Variants in NTM observed in about 807,000 individuals in gnomAD.
NTM encodes the protein IgLON family member 2.
A neutral mutation model predicts 42.1 loss-of-function variants in NTM; 13 were observed. The ratio of observed to expected loss-of-function variants is 0.31; its 90% CI spans 0.20 to 0.49. The LOEUF (loss-of-function observed/expected upper bound fraction) is 0.49, where lower values mean the gene tolerates loss of function less well. NTM is among the 20% of genes least tolerant of loss of function. The pLI is 0.99. For missense variants in NTM, 373 were observed against 452.8 expected (o/e 0.82, Z 1.60); for synonymous variants, 187 against 179.2 (o/e 1.04, Z -0.35).
intron 2 of NTM, among the ~76,000 whole-genome samples, chr11:132,068,895 C>A (rs1225559060): frequency 6.6e-6 from 1 of 152,194 alleles, no homozygotes; most frequent in East Asian, 1.9e-4. Context: ...TTGGGTGAGA[C>A]CCACCCAGAT....
chr11:131,810,645 G>C (rs1420938650), intron 1 of NTM, among the ~76,000 whole-genome samples: 1 of 152,160 alleles, frequency 6.6e-6, no homozygotes, highest in Non-Finnish European at 1.5e-5. Context: ...TATTGCTTAG[G>C]AGATATTCCG....
At chr11:131,693,296 C>T (rs2075020834) in intron 1 of NTM, among the ~76,000 whole-genome samples, 1 of 152,180 alleles carries the variant, frequency 6.6e-6, no homozygotes, top group African/African-American at 2.4e-5. Flanking sequence ...GGAAAAAAAT[C>T]TCCAGCTGAA....
intron 1 of NTM, among the ~76,000 whole-genome samples, chr11:131,721,540 T>C (rs960862955): frequency 6.6e-6 from 1 of 152,176 alleles, no homozygotes; most frequent in African/African-American, 2.4e-5. Context: ...CTGACAGCAC[T>C]GGCTTTGGAG....
At chr11:131,402,400 A>G (rs1019602049) in intron 1 of NTM, among the ~76,000 whole-genome samples, 1 of 152,054 alleles carries the variant, frequency 6.6e-6, no homozygotes. Context: ...AAGTCATAAA[A>G]AAAAAAAAAC....
intron 1 of NTM, among the ~76,000 whole-genome samples, chr11:131,374,741 C>T (rs949121525): frequency 6.6e-6 from 1 of 152,156 alleles, no homozygotes; most frequent in Admixed American, 6.5e-5. Context: ...TTAGCCAAAA[C>T]TTGTCCCTTG....
At chr11:131,464,964 T>A (rs1284960681) in intron 1 of NTM, among the ~76,000 whole-genome samples, 1 of 152,204 alleles carries the variant, frequency 6.6e-6, no homozygotes, top group African/African-American at 2.4e-5. Context: ...GTGGAGGCCA[T>A]TAAAGCCTTT....
intron 1 of NTM, among the ~76,000 whole-genome samples, chr11:131,432,836 A>ATTTTT (rs1565494754): frequency 2.3e-5 from 2 of 87,388 alleles, no homozygotes; most frequent in African/African-American, 9.1e-5. Flanking sequence ...AAGATTTAGC[A>ATTTTT]TTCTTTTTTT....
intron 3 of NTM, among the ~76,000 whole-genome samples, chr11:132,168,327 A>G (rs1037843540): frequency 3.9e-5 from 6 of 152,204 alleles, no homozygotes; most frequent in Admixed American, 6.5e-5. Context: ...CCTTGCCTGG[A>G]TCAGGACAAT....
intron 1 of NTM, among the ~76,000 whole-genome samples, chr11:131,412,520 G>A (rs1469710218): frequency 6.6e-6 from 1 of 152,124 alleles, no homozygotes; most frequent in Non-Finnish European, 1.5e-5. Flanking sequence ...AGAATATTAA[G>A]ACAAAACTGT....
intron 1 of NTM, among the ~76,000 whole-genome samples, chr11:131,557,963 A>G (rs2055680269): frequency 6.6e-6 from 1 of 152,194 alleles, no homozygotes; most frequent in African/African-American, 2.4e-5. Flanking sequence ...ACTGAAAAGA[A>G]AAACAGTTAC....
intron 1 of NTM, among the ~76,000 whole-genome samples, chr11:131,440,498 T>C (rs993761804): frequency 6.6e-6 from 1 of 152,112 alleles, no homozygotes; most frequent in Non-Finnish European, 1.5e-5. Flanking sequence ...TTCTCAAACT[T>C]AGACATGCAT....
At chr11:132,031,170 T>TA (rs1460986989) in intron 2 of NTM, among the ~76,000 whole-genome samples, 1 of 152,218 alleles carries the variant, frequency 6.6e-6, no homozygotes, top group Admixed American at 6.5e-5. Context: ...GGGGAAAAGA[T>TA]ATGTGACCAG....
At chr11:131,579,435 C>T (rs1291371050) in intron 1 of NTM, among the ~76,000 whole-genome samples, 1 of 152,072 alleles carries the variant, frequency 6.6e-6, no homozygotes, top group African/African-American at 2.4e-5. Flanking sequence ...TCAGGCAGTC[C>T]CCTAGAGTAC....
At chr11:131,541,237 T>A (rs1266170069) in intron 1 of NTM, among the ~76,000 whole-genome samples, 2 of 152,118 alleles carry the variant, frequency 1.3e-5, no homozygotes, top group African/African-American at 4.8e-5. Context: ...CAGAGAACCA[T>A]CCCTCGCCTT....
At chr11:131,967,454 T>A (rs1285893087) in intron 2 of NTM, among the ~76,000 whole-genome samples, 1 of 152,116 alleles carries the variant, frequency 6.6e-6, no homozygotes, top group East Asian at 1.9e-4. Flanking sequence ...GAGACCACGC[T>A]GAGGTCATGT....
chr11:131,619,500 A>T (rs1022434803), intron 1 of NTM, among the ~76,000 whole-genome samples: 1 of 152,216 alleles, frequency 6.6e-6, no homozygotes, highest in Admixed American at 6.5e-5. Flanking sequence ...AGAAAGAAAG[A>T]AATTGAAAGT....
intron 4 of NTM, among the ~76,000 whole-genome samples, chr11:132,239,641 A>C (rs1272367538): frequency 6.6e-6 from 1 of 152,204 alleles, no homozygotes; most frequent in Non-Finnish European, 1.5e-5. Flanking sequence ...AATGTCTTTT[A>C]CTGTACATCT....
intron 1 of NTM, among the ~76,000 whole-genome samples, chr11:131,574,086 G>A (rs1397530410): frequency 1.3e-5 from 2 of 152,214 alleles, no homozygotes; most frequent in East Asian, 3.8e-4. Flanking sequence ...AGGTGTGGGA[G>A]CTAGACGCCC....
chr11:132,138,559 A>C (rs1348054332), intron 2 of NTM, among the ~76,000 whole-genome samples: 1 of 91,902 alleles, frequency 1.1e-5, no homozygotes, highest in Non-Finnish European at 2.4e-5. Context: ...TTCCTTTTCA[A>C]CAGAATCTAT....
Sources: allele counts gnomAD v4.1 joint callset (sites outside exome capture counted in the v4.1 genomes callset), GRCh38; gene constraint gnomAD v4.1.1; transcripts MANE v1.5; gene names NCBI Gene and HGNC (gene_info 2026-07-23, HGNC 2026-07-21).